ITGA2: variants seen among roughly 807,000 people sequenced by gnomAD.
ITGA2 encodes the protein integrin subunit alpha 2, also known as integrin alpha-2.
A neutral mutation model predicts 146.3 loss-of-function variants in ITGA2; 101 were observed. The observed-to-expected ratio is 0.69, with a 90% CI of 0.59 to 0.81. The LOEUF is 0.81. Among genes scored for constraint, ITGA2 ranks in the 40% least tolerant of loss-of-function variants. The pLI is 0.00. For missense variants in ITGA2, 1,281 were observed against 1,402.7 expected (o/e 0.91, Z 1.39); for synonymous variants, 477 against 487.1 (o/e 0.98, Z 0.27).
At chr5:53,084,973 A>G (rs1376777079) in intron 27 of ITGA2, among the ~76,000 whole-genome samples, 2 of 152,220 alleles carry the variant, frequency 1.3e-5, no homozygotes, top group African/African-American at 4.8e-5. Flanking sequence ...ATGCTGCTTT[A>G]ATGTGGCTAT....
At chr5:53,031,999 T>C (rs1177263515) in intron 2 of ITGA2, among the ~76,000 whole-genome samples, 1 of 152,204 alleles carries the variant, frequency 6.6e-6, no homozygotes, top group Non-Finnish European at 1.5e-5. Flanking sequence ...GAGCTCATTA[T>C]GTGACTCAAA....
intron 1 of ITGA2, among the ~76,000 whole-genome samples, chr5:53,014,521 T>G (rs563814812): frequency 6.6e-6 from 1 of 152,290 alleles, no homozygotes; most frequent in South Asian, 2.1e-4. Context: ...TTGAGGAATT[T>G]TGCATCTATG....
intron 2 of ITGA2, among the ~76,000 whole-genome samples, chr5:53,030,412 T>G (rs1169116340): frequency 2.0e-5 from 3 of 152,140 alleles, no homozygotes; most frequent in Non-Finnish European, 2.9e-5. Flanking sequence ...AACTCCAGTA[T>G]AGAGCTTTCT....
At chr5:53,034,342 G>A (rs573372637) in intron 2 of ITGA2, among the ~76,000 whole-genome samples, 42 of 151,920 alleles carry the variant, frequency 2.8e-4, no homozygotes, top group African/African-American at 9.4e-4. Context: ...CCCAAGAGGC[G>A]GAGGTTGCAG....
Position 53,092,227 on chromosome 5 carries a change from A to AAAC in ITGA2, c.*1629_*1631dup, listed in dbSNP as rs1382405368. 1 of 152,208 alleles carries AAAC rather than the reference A, an allele frequency of 6.6e-6. No individual in the cohort carries two copies. Among genetic ancestry groups the AAAC allele is most frequent in the African/African-American group, 2.4e-5 (1 of 41,452 alleles). 9.4% of individuals were successfully genotyped at this position (152,208 alleles called of 1,614,324 possible). A position where few individuals can be genotyped will look rare whatever the true frequency, so the allele number is the denominator to read the frequency against. On this transcript the variant is annotated 3_prime_UTR_variant, in exon 30 of 30. Coordinates refer to ENST00000296585, the MANE Select transcript of ITGA2 (RefSeq NM_002203.4). ...CTTTGGACAAGTCCTTGACCTCTAT[A>AAAC]AACTTCAGAGTCCTCATTATAAAAT...
chr5:53,090,712 C>T lies in ITGA2; in HGVS notation c.*113C>T. ...TTTTTTTTATCATGTCGTAGGTAAA[C>T]TAACCTGGTATTTTAAGAGAAAACT... On this transcript the variant is annotated 3_prime_UTR_variant, in exon 30 of 30. Coordinates refer to ENST00000296585, the MANE Select transcript of ITGA2 (RefSeq NM_002203.4). The T allele has an allele frequency of 2.5e-6, 2 of 798,940 alleles. 1 individual carries two copies. Among genetic ancestry groups the T allele is most frequent in the South Asian group, 2.9e-5 (2 of 69,752 alleles). The allele number at this position is 798,940 out of a possible 1,614,324, so 49.5% of individuals were successfully genotyped here.
At position 53,086,958 on chromosome 5, in the gene ITGA2, T is replaced by C; in HGVS notation, c.3265T>C (p.Phe1089Leu). ...CCTTATTCTTATGTTCCAGTCAACG[T>C]TCCAGACAGTACAGCTAACGGCAGC... The part of the protein sequence containing the change: ...IWNGTFASST[F>L]QTVQLTAAAE... Residue 1089 changes from phenylalanine to leucine, a missense_variant, in exon 28 of 30, where the codon TTC becomes CTC. Phe to Leu is a conservative substitution (Grantham distance 22). Around this residue, in one of 3 missense-constraint regions of ITGA2, gnomAD observed 475 missense variants for 530.5 expected, o/e 0.90. Transcript: ENST00000296585. 1 of 1,613,028 alleles carries C rather than the reference T, an allele frequency of 6.2e-7. No individual in the cohort carries two copies. The highest frequency in any genetic ancestry group is 8.5e-7 in the Non-Finnish European group (1 of 1,179,070).
At chr5:53,068,115 G>T (rs1005620291) in intron 16 of ITGA2, among the ~76,000 whole-genome samples, 5 of 151,848 alleles carry the variant, frequency 3.3e-5, no homozygotes, top group Non-Finnish European at 7.4e-5. Flanking sequence ...TCAATTAAGT[G>T]ACAAACATAT....
intron 1 of ITGA2, among the ~76,000 whole-genome samples, chr5:52,994,006 C>T (rs556158528): frequency 6.6e-6 from 1 of 152,092 alleles, no homozygotes; most frequent in Non-Finnish European, 1.5e-5. Flanking sequence ...AAGAGTGGCT[C>T]CCTACAGGGG....
intron 2 of ITGA2, among the ~76,000 whole-genome samples, chr5:53,033,673 C>A (rs1743347859): frequency 6.6e-6 from 1 of 152,184 alleles, no homozygotes; most frequent in South Asian, 2.1e-4. Context: ...TTTTGGCTCA[C>A]TGCAACCTCT....
At chr5:53,078,895 G>A in intron 24 of ITGA2, 21 bp downstream of exon 24, 1 of 1,332,730 alleles carries the variant, frequency 7.5e-7, no homozygotes, top group Non-Finnish European at 1.1e-6. Context: ...CTGTCATAAG[G>A]ATGGCAAATC....
At chr5:53,001,813 T>TAAAAAA (rs34186143) in intron 1 of ITGA2, among the ~76,000 whole-genome samples, 76 of 110,284 alleles carry the variant, frequency 6.9e-4, no homozygotes, top group African/African-American at 2.6e-3. Context: ...AGGCCCTTTC[T>TAAAAAA]AAAAAAAAAA....
intron 27 of ITGA2, among the ~76,000 whole-genome samples, chr5:53,085,262 G>A (rs1176722278): frequency 6.6e-6 from 1 of 152,200 alleles, no homozygotes; most frequent in Non-Finnish European, 1.5e-5. Flanking sequence ...AACATTTCAA[G>A]TAATTTCATT....
chr5:53,018,813 C>T (rs1047400123), intron 1 of ITGA2, among the ~76,000 whole-genome samples: 42 of 152,012 alleles, frequency 2.8e-4, no homozygotes, highest in African/African-American at 9.4e-4. Flanking sequence ...CTGTAAATTC[C>T]AGCACTTTGG....
intron 10 of ITGA2, 33 bp from the exon 11 acceptor site, chr5:53,059,841 G>C (rs1744817941): frequency 6.2e-7 from 1 of 1,606,322 alleles, no homozygotes; most frequent in African/African-American, 1.3e-5. Context: ...AAGGTGATTT[G>C]TTTCAATGAT....
intron 3 of ITGA2, 139 bp downstream of exon 3, chr5:53,042,360 A>G: frequency 1.5e-6 from 1 of 664,984 alleles, no homozygotes; most frequent in Non-Finnish European, 2.8e-6. Context: ...TATGGGGCAC[A>G]ATCATATCCA....
Position 53,005,366 on chromosome 5 carries a change from G to A in ITGA2, c.64+15834G>A, listed in dbSNP as rs1741787651. Reference sequence around the variant, plus strand: ...TGGGGGCCAGGTGGGCAGATCACTGGAGGTGAGGAGTTTGAGACCAGCCTG... The same window carrying A: ...TGGGGGCCAGGTGGGCAGATCACTGAAGGTGAGGAGTTTGAGACCAGCCTG... On this transcript the variant is annotated intron_variant, in intron 1 of 29. Transcript: ENST00000296585. Among the ~76,000 whole-genome samples, 4 of 152,052 alleles carry A rather than the reference G, an allele frequency of 2.6e-5. No individual in the cohort carries two copies. The South Asian group carries it at 6.2e-4, about 24-fold the overall frequency.
intron 1 of ITGA2, among the ~76,000 whole-genome samples, chr5:53,015,241 C>A (rs1232547616): frequency 6.6e-6 from 1 of 152,090 alleles, no homozygotes; most frequent in Non-Finnish European, 1.5e-5. Flanking sequence ...TTAGCACTAT[C>A]AACTTTCCTC....
chr5:53,001,844 A>G (rs1741600094), intron 1 of ITGA2, among the ~76,000 whole-genome samples: 1 of 150,564 alleles, frequency 6.6e-6, no homozygotes, highest in Non-Finnish European at 1.5e-5. Flanking sequence ...AAAGTGATCC[A>G]ACTGTCTGCC....
Sources: gnomAD v4.1 joint callset for allele counts (sites outside exome capture counted in the v4.1 genomes callset) on GRCh38, gnomAD v4.1.1 for gene constraint, gnomAD v4.1.1 regional missense constraint, MANE v1.5 for transcripts, NCBI Gene and HGNC (gene_info 2026-07-23, HGNC 2026-07-21) for gene names.